PCED1B: variants seen among roughly 807,000 people sequenced by gnomAD.
The protein encoded by PCED1B is PC-esterase domain containing 1B.
For synonymous variants in PCED1B, 251 were observed against 246.1 expected (o/e 1.02, Z -0.19); for missense variants, 573 against 573.9 (o/e 1.00, Z 0.02).
At chr12:47,117,887 A>G (rs1182301927) in intron 2 of PCED1B, among the ~76,000 whole-genome samples, 2 of 152,170 alleles carry the variant, frequency 1.3e-5, no homozygotes, top group Non-Finnish European at 2.9e-5. Flanking sequence ...AATGATCACC[A>G]TTCTAACTGG....
chr12:47,107,737 C>T (rs565876430), intron 2 of PCED1B, among the ~76,000 whole-genome samples: 2 of 152,288 alleles, frequency 1.3e-5, no homozygotes, highest in African/African-American at 4.8e-5. Flanking sequence ...GCAGGTGTCA[C>T]TAGACCTGGG....
intron 2 of PCED1B, among the ~76,000 whole-genome samples, chr12:47,129,408 G>A (rs919703421): frequency 6.6e-6 from 1 of 152,120 alleles, no homozygotes; most frequent in African/African-American, 2.4e-5. Flanking sequence ...AGGATCGCTT[G>A]AGCTCAGGAG....
chr12:47,173,957 G>A (rs1486148479), intron 2 of PCED1B, among the ~76,000 whole-genome samples: 1 of 152,172 alleles, frequency 6.6e-6, no homozygotes, highest in Non-Finnish European at 1.5e-5. Context: ...AAAGTGTCTA[G>A]CATGGTGGCC....
chr12:47,186,454 GTTATCCCTTTACTGGT>G (rs1422903479), intron 2 of PCED1B, among the ~76,000 whole-genome samples: 1 of 151,652 alleles, frequency 6.6e-6, no homozygotes, highest in Non-Finnish European at 1.5e-5. Flanking sequence ...GTCCCTTTAT[GTTATCCCTTTACTGGT>G]AGGGGGGTAG....
chr12:47,171,309 C>T (rs145896867), intron 2 of PCED1B, among the ~76,000 whole-genome samples: 9 of 152,174 alleles, frequency 5.9e-5, no homozygotes, highest in East Asian at 3.9e-4. Context: ...TCAGGTGATC[C>T]GCCCACCTTG....
chr12:47,229,528 G>T (rs1943734935), intron 3 of PCED1B, among the ~76,000 whole-genome samples: 1 of 152,112 alleles, frequency 6.6e-6, no homozygotes, highest in Non-Finnish European at 1.5e-5. Context: ...ACGTAGGCTG[G>T]GATTGGGCCC....
At chr12:47,161,145 C>T in intron 2 of PCED1B, among the ~76,000 whole-genome samples, 1 of 152,182 alleles carries the variant, frequency 6.6e-6, no homozygotes, top group East Asian at 1.9e-4. Context: ...GTCAACTTTT[C>T]TTTATAAATC....
intron 3 of PCED1B, among the ~76,000 whole-genome samples, chr12:47,219,967 G>GGAGGCTGAGGAGGGAGGATTGATT (rs1943421705): frequency 6.6e-6 from 1 of 151,278 alleles, no homozygotes; most frequent in Non-Finnish European, 1.5e-5. Flanking sequence ...CAACTACCTA[G>GGAGGCTGAGGAGGGAGGATTGATT]GAGGCTGAGG....
At chr12:47,135,164 A>C (rs186840034) in intron 2 of PCED1B, among the ~76,000 whole-genome samples, 3 of 152,330 alleles carry the variant, frequency 2.0e-5, no homozygotes, top group Non-Finnish European at 4.4e-5. Context: ...ATGTCCATAG[A>C]TCTAGGTGAA....
chr12:47,139,873 GTGTA>G (rs1361001242), intron 2 of PCED1B, among the ~76,000 whole-genome samples: 2 of 152,054 alleles, frequency 1.3e-5, no homozygotes, highest in Non-Finnish European at 2.9e-5. Flanking sequence ...TATGGTATGT[GTGTA>G]TGTATCTGTG....
intron 1 of PCED1B, among the ~76,000 whole-genome samples, chr12:47,103,552 T>G (rs551476856): frequency 6.6e-6 from 1 of 152,358 alleles, no homozygotes; most frequent in East Asian, 1.9e-4. Flanking sequence ...AGCAGAATAG[T>G]TCACGAATCA....
At chr12:47,117,239 G>A (rs1939461644) in intron 2 of PCED1B, among the ~76,000 whole-genome samples, 1 of 152,108 alleles carries the variant, frequency 6.6e-6, no homozygotes, top group African/African-American at 2.4e-5. Flanking sequence ...GGGTACATGT[G>A]CACAATGTGC....
chr12:47,169,539 T>C (rs1329692451), intron 2 of PCED1B, among the ~76,000 whole-genome samples: 2 of 152,224 alleles, frequency 1.3e-5, no homozygotes, highest in Non-Finnish European at 2.9e-5. Context: ...CTGTTTGTCA[T>C]TATTACTATT....
chr12:47,178,996 G>A (rs1001107312), intron 2 of PCED1B, among the ~76,000 whole-genome samples: 1 of 152,034 alleles, frequency 6.6e-6, no homozygotes, highest in East Asian at 1.9e-4. Flanking sequence ...CAGGCCCTGA[G>A]GCAATTGTCT....
At chr12:47,212,030 G>A (rs188122587) in intron 2 of PCED1B, among the ~76,000 whole-genome samples, 1 of 148,252 alleles carries the variant, frequency 6.7e-6, no homozygotes, top group African/African-American at 2.5e-5. Flanking sequence ...AGCCGAGATC[G>A]TGCCACTGTA....
intron 1 of PCED1B, among the ~76,000 whole-genome samples, chr12:47,098,715 C>T (rs863837): frequency 0.014 from 2,062 of 152,280 alleles, 36 homozygotes; most frequent in African/African-American, 0.047. Context: ...ATCTCCTGAC[C>T]TCGTGATCCG....
At chr12:47,210,973 A>G (rs1402380099) in intron 2 of PCED1B, among the ~76,000 whole-genome samples, 1 of 152,212 alleles carries the variant, frequency 6.6e-6, no homozygotes, top group Non-Finnish European at 1.5e-5. Flanking sequence ...AAAACAAATG[A>G]TGCAATATGG....
At chr12:47,227,829 G>A (rs1943680185) in intron 3 of PCED1B, among the ~76,000 whole-genome samples, 1 of 151,876 alleles carries the variant, frequency 6.6e-6, no homozygotes, top group African/African-American at 2.4e-5. Flanking sequence ...CTCCAGCCTG[G>A]GTGACAGAGC....
At chr12:47,161,807 T>G (rs1325705339) in intron 2 of PCED1B, among the ~76,000 whole-genome samples, 1 of 152,222 alleles carries the variant, frequency 6.6e-6, no homozygotes, top group Non-Finnish European at 1.5e-5. Flanking sequence ...TAAAGACACA[T>G]GCACACATAT....
Sources: gnomAD v4.1 joint callset for allele counts (sites outside exome capture counted in the v4.1 genomes callset) on GRCh38, gnomAD v4.1.1 for gene constraint, MANE v1.5 for transcripts, NCBI Gene and HGNC (gene_info 2026-07-23, HGNC 2026-07-21) for gene names.